Variants in BTRC observed in about 807,000 individuals in gnomAD.
BTRC encodes beta-transducin repeat containing E3 ubiquitin protein ligase.
BTRC carries 42 observed loss-of-function variants against 85.5 expected under a neutral mutation model. The ratio of observed to expected loss-of-function variants is 0.49; its 90% CI spans 0.38 to 0.64. BTRC has a LOEUF of 0.64. Ranked by LOEUF, BTRC falls within the 30% of genes least tolerant of loss-of-function variation. The pLI is 0.00. For synonymous variants in BTRC, 255 were observed against 263.3 expected, an observed-to-expected ratio of 0.97 and a Z score of 0.30; for missense variants, 594 against 743.5, an observed-to-expected ratio of 0.80 and a Z score of 2.34.
chr10:101,388,226 A>G (rs937660697), intron 1 of BTRC, among the ~76,000 whole-genome samples: 4 of 151,966 alleles, frequency 2.6e-5, no homozygotes, highest in African/African-American at 7.3e-5. Flanking sequence ...TAGTGGTACA[A>G]TCATAGCTCA....
intron 2 of BTRC, among the ~76,000 whole-genome samples, chr10:101,441,406 A>G (rs559869536): frequency 6.6e-6 from 1 of 152,348 alleles, no homozygotes; most frequent in East Asian, 1.9e-4. Flanking sequence ...TCATAGAACC[A>G]TAGAATTTCA....
At chr10:101,389,939 T>C (rs1943194706) in intron 1 of BTRC, among the ~76,000 whole-genome samples, 1 of 152,194 alleles carries the variant, frequency 6.6e-6, no homozygotes, top group Non-Finnish European at 1.5e-5. Flanking sequence ...GCAAGACCAC[T>C]ATAAGGCCTT....
chr10:101,546,708 T>C (rs2062563408), intron 13 of BTRC, among the ~76,000 whole-genome samples: 1 of 152,070 alleles, frequency 6.6e-6, no homozygotes, highest in South Asian at 2.1e-4. Context: ...ATCAGTGAAA[T>C]TGAAAACAGG....
At chr10:101,429,128 A>T (rs1350005221) in intron 1 of BTRC, among the ~76,000 whole-genome samples, 1 of 152,194 alleles carries the variant, frequency 6.6e-6, no homozygotes, top group African/African-American at 2.4e-5. Context: ...ACCTATATTG[A>T]CTACTATATT....
chr10:101,455,471 G>T lies in BTRC; in HGVS notation c.157-6510G>T, dbSNP rs188053158. Among the ~76,000 whole-genome samples, 321 of 152,222 alleles carry T rather than the reference G, an allele frequency of 2.1e-3. 3 individuals are homozygous for T. The highest frequency in any genetic ancestry group is 7.2e-3 in the African/African-American group (299 of 41,534). ...ATGTAGAGATATAAAGAGATATAAAGAATTAAGTGCCAATTGGAAGTGAAG... is the reference window on the plus strand; with the variant it reads ...ATGTAGAGATATAAAGAGATATAAATAATTAAGTGCCAATTGGAAGTGAAG... On this transcript the variant is annotated intron_variant, in intron 2 of 14. Coordinates refer to ENST00000370187, the MANE Select transcript of BTRC (RefSeq NM_033637.4).
At chr10:101,533,686 T>A (rs1413506141) in intron 9 of BTRC, among the ~76,000 whole-genome samples, 3 of 151,928 alleles carry the variant, frequency 2.0e-5, no homozygotes, top group African/African-American at 7.3e-5. Flanking sequence ...GCAAACATAA[T>A]GCATCAAAAG....
chr10:101,355,354 G>A (rs1942003967), intron 1 of BTRC, among the ~76,000 whole-genome samples: 1 of 152,184 alleles, frequency 6.6e-6, no homozygotes, highest in Admixed American at 6.5e-5. Context: ...TGGATTTTGT[G>A]GGTGTGCTTA....
chr10:101,415,778 C>G (rs1007512706), intron 1 of BTRC, among the ~76,000 whole-genome samples: 17 of 151,558 alleles, frequency 1.1e-4, no homozygotes, highest in Non-Finnish European at 2.4e-4. Flanking sequence ...TGACCTCAGG[C>G]GATCTGCCCG....
At chr10:101,379,241 A>T (rs569237871) in intron 1 of BTRC, among the ~76,000 whole-genome samples, 1 of 152,188 alleles carries the variant, frequency 6.6e-6, no homozygotes, top group African/African-American at 2.4e-5. Flanking sequence ...ATTATATGGT[A>T]GTCTTCTGAA....
rs907845386 is a variant in BTRC at position 101,532,958 on chromosome 10, G to C, written c.985G>C (p.Asp329His). 2 of 1,610,016 alleles carry C rather than the reference G, an allele frequency of 1.2e-6. No individual in the cohort carries two copies. Among genetic ancestry groups the C allele is most frequent in the Admixed American group, 1.7e-5 (1 of 59,910 alleles). The change falls in exon 9 of 15, where the codon GAT becomes CAT. Residue 329 changes from aspartate (D) to histidine (H), a missense_variant. Asp to His is a moderately conservative substitution (Grantham distance 81, BLOSUM62 -1). Transcript: ENST00000370187. ...ATCTTATTTGCCATCCTAGATCTGG[G>C]ATAAAAACACATTGGAATGCAAGCG... ...GLRDNTIKIW[D>H]KNTLECKRIL...
chr10:101,458,990 G>A (rs1401008684), intron 2 of BTRC, among the ~76,000 whole-genome samples: 9 of 152,158 alleles, frequency 5.9e-5, no homozygotes, highest in Non-Finnish European at 1.2e-4. Context: ...TTTTGAGATG[G>A]TGTCTTGCTG....
chr10:101,400,056 C>T (rs889557728), intron 1 of BTRC, among the ~76,000 whole-genome samples: 7 of 152,184 alleles, frequency 4.6e-5, no homozygotes, highest in African/African-American at 1.7e-4. Context: ...ATAACCTATT[C>T]TCCTGCTAAA....
chr10:101,450,558 T>C (rs1346597595), intron 2 of BTRC, among the ~76,000 whole-genome samples: 1 of 152,182 alleles, frequency 6.6e-6, no homozygotes, highest in Non-Finnish European at 1.5e-5. Context: ...TGTTCCAGTA[T>C]AACAGGCACC....
At chr10:101,504,758 T>C (rs1946476972) in intron 4 of BTRC, among the ~76,000 whole-genome samples, 1 of 151,558 alleles carries the variant, frequency 6.6e-6, no homozygotes, top group African/African-American at 2.4e-5. Flanking sequence ...TCCTTTCAGC[T>C]CCCCTCATCA....
chr10:101,413,801 A>C (rs1413213035), intron 1 of BTRC, among the ~76,000 whole-genome samples: 1 of 152,182 alleles, frequency 6.6e-6, no homozygotes, highest in Non-Finnish European at 1.5e-5. Context: ...ATGAATTCTT[A>C]ATTTCAACTT....
chr10:101,404,023 TA>T lies in BTRC; in HGVS notation c.49-26321del, dbSNP rs1212427663. 5.6e-3 allele frequency among the ~76,000 whole-genome samples: 175 copies of T among 31,444 alleles called. 2 individuals carry two copies. Among genetic ancestry groups the T allele is most frequent in the African/African-American group, 7.6e-3 (72 of 9,458 alleles). The allele number at this position is 31,444 out of a possible 152,430, so 20.6% of individuals were successfully genotyped here. ...GTGTGTATATATATATATATATATA[TA>T]TATATATTTTTTTTTTTTTTTTTTT... On this transcript the variant is annotated intron_variant, in intron 1 of 14. Coordinates refer to ENST00000370187, the MANE Select transcript of BTRC (RefSeq NM_033637.4).
intron 1 of BTRC, among the ~76,000 whole-genome samples, chr10:101,428,631 C>G (rs1944321247): frequency 6.6e-6 from 1 of 152,148 alleles, no homozygotes; most frequent in South Asian, 2.1e-4. Flanking sequence ...GGCCAAGATT[C>G]TAGTCCCTAC....
In BTRC at chr10:101,554,154, G is replaced by C. The variant is rs1381315148; in HGVS notation, c.*1031G>C. 2 of 152,196 alleles carry C rather than the reference G, an allele frequency of 1.3e-5. No individual in the cohort carries two copies. Among genetic ancestry groups the C allele is most frequent in the African/African-American group, 2.4e-5 (1 of 41,440 alleles). 9.4% of individuals were successfully genotyped at this position (152,196 alleles called of 1,614,324 possible). ...CTTGATTCCATGTAGAGTGTGGAAA[G>C]GAGTTGCTGATTGCATTTCCTCTCA... On this transcript the variant is annotated 3_prime_UTR_variant, in exon 15 of 15. Coordinates refer to ENST00000370187, the MANE Select transcript of BTRC (RefSeq NM_033637.4).
At position 101,521,888 on chromosome 10, in the gene BTRC, T is replaced by C. The variant is rs772829655; in HGVS notation, c.556+18T>C. The C allele has an allele frequency of 7.7e-6, 12 of 1,564,178 alleles. No individual in the cohort carries two copies. The highest frequency in any genetic ancestry group is 1.1e-5 in the Non-Finnish European group (12 of 1,136,744). On this transcript the variant is annotated intron_variant, in intron 5 of 14. Transcript: ENST00000370187. ...TCTGCCAGGTATGTCTACAAGTGTT[T>C]GTAAACCATTAATTTGCTATGATGA...
Sources: allele counts gnomAD v4.1 joint callset (sites outside exome capture counted in the v4.1 genomes callset), GRCh38; gene constraint gnomAD v4.1.1; transcripts MANE v1.5; gene names NCBI Gene and HGNC (gene_info 2026-07-23, HGNC 2026-07-21).